Variants in ZNRF1 observed in about 807,000 individuals in gnomAD.
ZNRF1 encodes the protein E3 ubiquitin-protein ligase ZNRF1.
ZNRF1 carries 3 observed loss-of-function variants against 18.4 expected under a neutral mutation model. That is an observed-to-expected ratio of 0.16 (90% CI 0.07 to 0.42). The LOEUF (loss-of-function observed/expected upper bound fraction) is 0.42. ZNRF1 is among the 10% of genes least tolerant of loss of function. ZNRF1 has a pLI of 0.99. For synonymous variants in ZNRF1, 157 were observed against 144.2 expected (o/e 1.09, Z -0.64); for missense variants, 310 against 329.8 (o/e 0.94, Z 0.47).
Position 75,104,806 on chromosome 16 carries a change from G to T in ZNRF1, c.543G>T (p.Ala181=), listed in dbSNP as rs1017593886. ...SYNDDVLTKD[A]GECVICLEEL... ...CAGATGATGTGCTGACTAAAGACGC[G>T]GGTGAGTGTGTGATCTGCCTGGAGG... The change falls in exon 3 of 5, where the codon GCG becomes GCT. Residue 181 remains alanine (A), a synonymous_variant. Transcript: ENST00000335325. 2 of 1,609,544 alleles carry T rather than the reference G, an allele frequency of 1.2e-6. No individual in the cohort carries two copies. Among genetic ancestry groups the T allele is most frequent in the Admixed American group, 3.4e-5 (2 of 59,320 alleles).
rs1597913121 is a variant in ZNRF1 at position 75,104,769 on chromosome 16, CT to C, written c.521-14del. 1 of 1,585,034 alleles carries C rather than the reference CT, an allele frequency of 6.3e-7. No homozygotes were observed. Among genetic ancestry groups the C allele is most frequent in the Non-Finnish European group, 8.6e-7 (1 of 1,165,990 alleles). On this transcript the variant is annotated splice_polypyrimidine_tract_variant and intron_variant, in intron 2 of 4. Transcript: ENST00000335325. ...GTGACTAACCCTCCTGCACTCTCCC[CT>C]GTCCCCCTTGCAGATGATGTGCTGA...
intron 1 of ZNRF1, among the ~76,000 whole-genome samples, chr16:75,025,590 A>T (rs2035211759): frequency 6.6e-6 from 1 of 152,158 alleles, no homozygotes; most frequent in Non-Finnish European, 1.5e-5. Context: ...CCCCTCCTAT[A>T]AACTTAGTTT....
At chr16:75,061,531 C>CACGT (rs2035744369) in intron 1 of ZNRF1, among the ~76,000 whole-genome samples, 1 of 102,424 alleles carries the variant, frequency 9.8e-6, no homozygotes, top group Non-Finnish European at 2.1e-5. Context: ...GTATATGTAC[C>CACGT]TTCCATTCAT....
chr16:75,095,748 A>T, intron 2 of ZNRF1: 1 of 1,523,134 alleles, frequency 6.6e-7, no homozygotes, highest in Non-Finnish European at 8.9e-7. Context: ...GAGAACCGGG[A>T]AGGTGAGGCT....
chr16:75,027,192 G>A (rs1239974721), intron 1 of ZNRF1, among the ~76,000 whole-genome samples: 3 of 151,486 alleles, frequency 2.0e-5, no homozygotes, highest in South Asian at 4.2e-4. Flanking sequence ...GATTGCATGA[G>A]CCCAGGAGGT....
At chr16:75,059,229 C>CTTTTTTTTTTTTTTCTT (rs2035709085) in intron 1 of ZNRF1, among the ~76,000 whole-genome samples, 6 of 92,916 alleles carry the variant, frequency 6.5e-5, no homozygotes, top group Admixed American at 1.4e-4. Context: ...TTCTTTCTTT[C>CTTTTTTTTTTTTTTCTT]TTTTTTTTTT....
intron 1 of ZNRF1, among the ~76,000 whole-genome samples, chr16:75,087,731 C>G (rs538219396): frequency 2.0e-4 from 30 of 152,358 alleles, no homozygotes; most frequent in Admixed American, 6.5e-4. Flanking sequence ...GGGGTACGTT[C>G]CCTGCCTCTG....
intron 2 of ZNRF1, among the ~76,000 whole-genome samples, chr16:75,098,932 A>T (rs2036227719): frequency 6.6e-6 from 1 of 151,788 alleles, no homozygotes; most frequent in Non-Finnish European, 1.5e-5. Context: ...ACTCTGCAGA[A>T]TACTCGAGCC....
intron 4 of ZNRF1, 97 bp downstream of exon 4, chr16:75,106,668 GAGAAGAAAGCAGGAGC>G: frequency 1.1e-6 from 1 of 910,534 alleles, no homozygotes; most frequent in Non-Finnish European, 1.7e-6. Flanking sequence ...TTATGCCACT[GAGAAGAAAGCAGGAGC>G]AGAGGGAAGG....
In ZNRF1 at chr16:75,075,031, G is replaced by T. The variant is rs546082982; in HGVS notation, c.425-18541G>T. Among the ~76,000 whole-genome samples the T allele has an allele frequency of 1.1e-3, 172 of 151,608 alleles. 2 individuals are homozygous for T. Among genetic ancestry groups the T allele is most frequent in the African/African-American group, 3.8e-3 (157 of 41,334 alleles). On this transcript the variant is annotated intron_variant, in intron 1 of 4. Coordinates refer to ENST00000335325, the MANE Select transcript of ZNRF1 (RefSeq NM_032268.5). Reference sequence around the variant, plus strand: ...TGAGTACTTTGCCAACCCCTGCCTGGGGTCATAAGCCCAGGTCACCATGCT... The same window carrying T: ...TGAGTACTTTGCCAACCCCTGCCTGTGGTCATAAGCCCAGGTCACCATGCT...
Position 74,999,943 on chromosome 16 carries a change from C to A in ZNRF1, c.272C>A (p.Ser91Tyr). Reference protein sequence around the residue: ...DSERAPGGGGSASDSTYAHGN... With the variant: ...DSERAPGGGGYASDSTYAHGN... ...GAGAGGGCGCCCGGCGGCGGAGGGT[C>A]TGCGTCCGACTCCACCTATGCCCAT... is the stretch of plus-strand genomic sequence containing the variant. The change falls in exon 1 of 5, where the codon TCT becomes TAT. Residue 91 changes from serine to tyrosine, a missense_variant. Ser to Tyr is a moderately radical substitution (Grantham distance 144). Coordinates refer to ENST00000335325, the MANE Select transcript of ZNRF1 (RefSeq NM_032268.5). The A allele has an allele frequency of 6.4e-7, 1 of 1,570,004 alleles. No homozygotes were observed. The highest frequency in any genetic ancestry group is 8.6e-7 in the Non-Finnish European group (1 of 1,158,812).
At chr16:75,101,282 G>A (rs906573803) in intron 2 of ZNRF1, among the ~76,000 whole-genome samples, 4 of 152,310 alleles carry the variant, frequency 2.6e-5, no homozygotes, top group Middle Eastern at 3.4e-3. Context: ...ATTGCTGGGC[G>A]CGGTGGCTCA....
At chr16:75,024,084 G>A (rs972382176) in intron 1 of ZNRF1, among the ~76,000 whole-genome samples, 9 of 152,000 alleles carry the variant, frequency 5.9e-5, no homozygotes, top group Non-Finnish European at 1.3e-4. Context: ...TGGCCAGGCT[G>A]GTCTCGAACT....
At chr16:75,033,240 A>G (rs1335121133) in intron 1 of ZNRF1, among the ~76,000 whole-genome samples, 1 of 150,616 alleles carries the variant, frequency 6.6e-6, no homozygotes, top group African/African-American at 2.5e-5. Flanking sequence ...TATAAAATTT[A>G]GAATCACCTT....
chr16:75,006,783 C>G (rs1465485336), intron 1 of ZNRF1, among the ~76,000 whole-genome samples: 1 of 152,110 alleles, frequency 6.6e-6, no homozygotes, highest in Admixed American at 6.5e-5. Context: ...CAGTCTGTTT[C>G]TTTTCCAAGC....
At chr16:75,032,884 A>G (rs2035324401) in intron 1 of ZNRF1, among the ~76,000 whole-genome samples, 1 of 152,146 alleles carries the variant, frequency 6.6e-6, no homozygotes, top group Admixed American at 6.5e-5. Context: ...ATGGTGGTAT[A>G]TGCCTGTAGT....
intron 1 of ZNRF1, among the ~76,000 whole-genome samples, chr16:75,093,309 C>T (rs1173066865): frequency 6.6e-6 from 1 of 150,930 alleles, no homozygotes; most frequent in Admixed American, 6.6e-5. Flanking sequence ...CGCTTGAACC[C>T]GGGATGCAGA....
At chr16:75,091,420 C>G (rs1483445092) in intron 1 of ZNRF1, among the ~76,000 whole-genome samples, 3 of 151,168 alleles carry the variant, frequency 2.0e-5, no homozygotes, top group Admixed American at 6.6e-5. Flanking sequence ...TCAATTAAAA[C>G]TGCATATGGA....
At chr16:75,004,619 T>C (rs911006938) in intron 1 of ZNRF1, among the ~76,000 whole-genome samples, 5 of 152,182 alleles carry the variant, frequency 3.3e-5, no homozygotes, top group Non-Finnish European at 5.9e-5. Flanking sequence ...GTTTTTGTTA[T>C]TTATTTATTT....
Sources: gnomAD v4.1 joint callset for allele counts (sites outside exome capture counted in the v4.1 genomes callset) on GRCh38, gnomAD v4.1.1 for gene constraint, MANE v1.5 for transcripts, NCBI Gene and HGNC (gene_info 2026-07-23, HGNC 2026-07-21) for gene names.